The following MPZL1 variants were observed in gnomAD, a reference collection of about 807,000 sequenced individuals.
MPZL1 encodes myelin protein zero like 1.
A neutral mutation model predicts 29.3 loss-of-function variants in MPZL1; 16 were observed. The ratio of observed to expected loss-of-function variants is 0.55; its 90% confidence interval spans 0.37 to 0.83. The LOEUF is 0.83. MPZL1 is among the 40% of genes least tolerant of loss of function. MPZL1 has a pLI of 0.00. For missense variants in MPZL1, 279 were observed against 332.9 expected, an observed-to-expected ratio of 0.84 and a Z score of 1.26; for synonymous variants, 143 against 132.0, an observed-to-expected ratio of 1.08 and a Z score of -0.57.
At chr1:167,771,487 C>T (rs956417670) in intron 2 of MPZL1, among the ~76,000 whole-genome samples, 6 of 152,146 alleles carry the variant, frequency 3.9e-5, no homozygotes, top group East Asian at 1.9e-4. Flanking sequence ...CATCATGGCC[C>T]GTTCTCAATG....
intron 1 of MPZL1, among the ~76,000 whole-genome samples, chr1:167,744,577 G>C (rs1000314833): frequency 3.3e-5 from 5 of 151,622 alleles, no homozygotes; most frequent in African/African-American, 1.2e-4. Flanking sequence ...CCAGCTACTT[G>C]GGAGGCTGAG....
At chr1:167,728,309 G>C (rs146657374) in intron 1 of MPZL1, among the ~76,000 whole-genome samples, 2 of 150,428 alleles carry the variant, frequency 1.3e-5, no homozygotes, top group Admixed American at 6.6e-5. Flanking sequence ...GATTACAGGC[G>C]TGAGCCACCG....
Position 167,790,275 on chromosome 1 carries a change from C to G in MPZL1, c.*2354C>G, listed in dbSNP as rs2101804808. 6.6e-6 allele frequency: 1 copy of G among 152,612 alleles called. No individual in the cohort carries two copies. The highest frequency in any genetic ancestry group is 2.4e-5 in the African/African-American group (1 of 41,588). The allele number at this position is 152,612 out of a possible 1,614,324, so 9.5% of individuals were successfully genotyped here. A position where few individuals can be genotyped will look rare whatever the true frequency, so the allele number is the denominator to read the frequency against. The stretch of plus-strand genomic sequence containing the variant: ...CTGGAGGCCTGTTCCTCCCTTACCA[C>G]TCCCTTCCCCAGCCCGACTTCTTGG... On this transcript the variant is annotated 3_prime_UTR_variant, in exon 6 of 6. Coordinates refer to ENST00000359523, the MANE Select transcript of MPZL1 (RefSeq NM_003953.6).
chr1:167,738,377 C>T (rs1660424826), intron 1 of MPZL1, among the ~76,000 whole-genome samples: 1 of 152,184 alleles, frequency 6.6e-6, no homozygotes, highest in Non-Finnish European at 1.5e-5. Context: ...ACCACAAATA[C>T]TCATGTCTGC....
At chr1:167,778,335 C>A (rs1307089022) in intron 5 of MPZL1, among the ~76,000 whole-genome samples, 3 of 148,696 alleles carry the variant, frequency 2.0e-5, no homozygotes, top group African/African-American at 4.9e-5. Context: ...AAAAAAAAAA[C>A]AACTATCAGG....
At chr1:167,775,750 A>G (rs958504513) in intron 4 of MPZL1, among the ~76,000 whole-genome samples, 1 of 152,194 alleles carries the variant, frequency 6.6e-6, no homozygotes, top group Non-Finnish European at 1.5e-5. Flanking sequence ...GAAAAGACAA[A>G]CAGCAAAAGG....
At chr1:167,724,593 A>T (rs1444515008) in intron 1 of MPZL1, among the ~76,000 whole-genome samples, 1 of 152,210 alleles carries the variant, frequency 6.6e-6, no homozygotes, top group East Asian at 1.9e-4. Flanking sequence ...AAATGATCAT[A>T]GGTTTTGGGC....
At chr1:167,764,542 A>G (rs186051565) in intron 1 of MPZL1, among the ~76,000 whole-genome samples, 6 of 152,362 alleles carry the variant, frequency 3.9e-5, no homozygotes, top group Admixed American at 3.3e-4. Flanking sequence ...GTTCTTTATA[A>G]GAAAAGGATC....
intron 1 of MPZL1, among the ~76,000 whole-genome samples, chr1:167,730,189 T>C (rs1351640386): frequency 6.6e-6 from 1 of 152,222 alleles, no homozygotes; most frequent in Non-Finnish European, 1.5e-5. Flanking sequence ...GAAGCCATCC[T>C]CACCAATCAT....
At chr1:167,771,334 C>T (rs1661243473) in intron 2 of MPZL1, among the ~76,000 whole-genome samples, 2 of 152,166 alleles carry the variant, frequency 1.3e-5, no homozygotes, top group Admixed American at 1.3e-4. Flanking sequence ...TTAACAGCAT[C>T]CCAAGGCAGA....
At chr1:167,775,040 T>C (rs555495438) in intron 4 of MPZL1, among the ~76,000 whole-genome samples, 25 of 152,348 alleles carry the variant, frequency 1.6e-4, no homozygotes, top group African/African-American at 6.0e-4. Flanking sequence ...TGAAGTTACA[T>C]AGAGTTTTTA....
intron 1 of MPZL1, among the ~76,000 whole-genome samples, chr1:167,723,902 A>G (rs1190393977): frequency 2.0e-5 from 3 of 152,198 alleles, no homozygotes; most frequent in Non-Finnish European, 4.4e-5. Context: ...TAGCTTCTAA[A>G]GTTTTATCAA....
intron 1 of MPZL1, among the ~76,000 whole-genome samples, chr1:167,729,736 T>C (rs1660224795): frequency 6.6e-6 from 1 of 152,268 alleles, no homozygotes. Context: ...AGTTAGGGCA[T>C]AGAACTAGGT....
chr1:167,730,401 T>C lies in MPZL1; in HGVS notation c.91+8159T>C, dbSNP rs149877596. 6.4e-3 allele frequency among the ~76,000 whole-genome samples: 978 copies of C among 152,114 alleles called. 6 individuals carry two copies. Among genetic ancestry groups the C allele is most frequent in the Non-Finnish European group, 0.01 (694 of 67,990 alleles). On this transcript the variant is annotated intron_variant, in intron 1 of 5. Coordinates refer to ENST00000359523, the MANE Select transcript of MPZL1 (RefSeq NM_003953.6). ...TCAAGTGATTCTCCCACCTCAGCCTTCCTAATAGCTGGGATTACAGGTGCC... is the reference window on the plus strand; with the variant it reads ...TCAAGTGATTCTCCCACCTCAGCCTCCCTAATAGCTGGGATTACAGGTGCC...
chr1:167,760,953 C>G (rs1392045305), intron 1 of MPZL1, among the ~76,000 whole-genome samples: 1 of 151,766 alleles, frequency 6.6e-6, no homozygotes, highest in Non-Finnish European at 1.5e-5. Context: ...GAGGGAGAGG[C>G]ATTCCAAAAG....
intron 1 of MPZL1, among the ~76,000 whole-genome samples, chr1:167,748,558 C>G (rs1050760891): frequency 1.3e-5 from 2 of 151,996 alleles, no homozygotes; most frequent in African/African-American, 4.8e-5. Context: ...CAAATATTTT[C>G]TCTCATTCTG....
At chr1:167,785,516 T>C (rs1661574376) in intron 5 of MPZL1, among the ~76,000 whole-genome samples, 1 of 152,184 alleles carries the variant, frequency 6.6e-6, no homozygotes, top group Non-Finnish European at 1.5e-5. Flanking sequence ...GAGAAACAGA[T>C]TTCTACTCTT....
intron 1 of MPZL1, among the ~76,000 whole-genome samples, chr1:167,728,278 G>T (rs748286214): frequency 2.6e-5 from 4 of 151,422 alleles, no homozygotes; most frequent in Non-Finnish European, 4.4e-5. Context: ...CTGACCTCAG[G>T]TGATCCACCC....
chr1:167,765,953 T>C, intron 2 of MPZL1: 1 of 372,904 alleles, frequency 2.7e-6, no homozygotes, highest in Non-Finnish European at 4.7e-6. Flanking sequence ...CTTTGATCAG[T>C]TCCTCTCCAC....
Sources: allele counts gnomAD v4.1 joint callset (sites outside exome capture counted in the v4.1 genomes callset), GRCh38; gene constraint gnomAD v4.1.1; transcripts MANE v1.5; gene names NCBI Gene and HGNC (gene_info 2026-07-23, HGNC 2026-07-21).